The following ZCCHC7 variants were observed in gnomAD, a reference collection of about 807,000 sequenced individuals.
ZCCHC7 encodes the protein zinc finger CCHC-type containing 7, also known as zinc finger CCHC domain-containing protein 7.
Under a neutral mutation model 52.0 loss-of-function variants are expected in ZCCHC7, and 35 were observed. The observed-to-expected ratio is 0.67, with a 90% CI of 0.51 to 0.89. ZCCHC7 has a LOEUF of 0.89. Among genes scored for constraint, ZCCHC7 ranks in the 40% least tolerant of loss-of-function variants. The probability of loss-of-function intolerance (pLI) is 0.00; values close to 1 mark genes in which losing one functional copy is unlikely to be tolerated. For missense variants in ZCCHC7, 574 were observed against 649.1 expected (o/e 0.88, Z 1.26); for synonymous variants, 217 against 221.5 (o/e 0.98, Z 0.18).
chr9:37,339,989 C>G (rs1188338102), intron 6 of ZCCHC7, among the ~76,000 whole-genome samples: 1 of 152,090 alleles, frequency 6.6e-6, no homozygotes, highest in Non-Finnish European at 1.5e-5. Flanking sequence ...TGAGGCAGCT[C>G]TAGCATTTTG....
Position 37,273,403 on chromosome 9 carries a change from C to T in ZCCHC7, c.611-28785C>T, listed in dbSNP as rs556367215. ...CTGTAGTCCCAGCTACTCAGGAGGC[C>T]GAGGCAGGAGAATGGCGTGAACCTG... is the stretch of plus-strand genomic sequence containing the variant. On this transcript the variant is annotated intron_variant, in intron 2 of 8. Transcript: ENST00000336755. Among the ~76,000 whole-genome samples, 43 of 152,010 alleles carry T rather than the reference C, an allele frequency of 2.8e-4. No individual in the cohort carries two copies. In the East Asian group the frequency reaches 7.9e-3, roughly 28 times the overall value.
chr9:37,174,388 T>C (rs1361458395), intron 2 of ZCCHC7, among the ~76,000 whole-genome samples: 1 of 152,070 alleles, frequency 6.6e-6, no homozygotes, highest in Non-Finnish European at 1.5e-5. Flanking sequence ...ACCGTGTGAG[T>C]GCAAAGTATG....
chr9:37,262,492 C>A (rs1826914221), intron 2 of ZCCHC7, among the ~76,000 whole-genome samples: 3 of 152,124 alleles, frequency 2.0e-5, no homozygotes, highest in Non-Finnish European at 4.4e-5. Flanking sequence ...ATGGCAGTAT[C>A]TTCTTTATTA....
rs11552901 is a variant in ZCCHC7, at chr9:37,126,430, T to G, written c.98T>G (p.Phe33Cys). 1.8e-5 allele frequency: 29 copies of G among 1,613,978 alleles called. No homozygotes were observed. Among genetic ancestry groups the G allele is most frequent in the East Asian group, 2.2e-5 (1 of 44,872 alleles). The change falls in exon 2 of 9, where the codon TTT becomes TGT. Residue 33 changes from phenylalanine (F) to cysteine (C), a missense_variant. Phe to Cys is a radical substitution (Grantham distance 205). This residue lies in a region of ZCCHC7 where 403 missense variants were observed against 461.2 expected (regional missense o/e 0.87). Coordinates refer to ENST00000336755, the MANE Select transcript of ZCCHC7 (RefSeq NM_032226.3). ...CTGAGTGTTGATAGTGAGGTGGAAT[T>G]TCAACTCTATAGCCAAATTCATTAT... is the stretch of plus-strand genomic sequence containing the variant. ...SELSVDSEVE[F>C]QLYSQIHYAQ...
chr9:37,319,028 T>A (rs1373752187), intron 5 of ZCCHC7, among the ~76,000 whole-genome samples: 1 of 152,174 alleles, frequency 6.6e-6, no homozygotes, highest in Non-Finnish European at 1.5e-5. Context: ...CATTTTTTGC[T>A]TTTTATTTCT....
intron 4 of ZCCHC7, 55 bp downstream of exon 4, chr9:37,304,368 G>T (rs1164526677): frequency 6.3e-7 from 1 of 1,591,436 alleles, no homozygotes; most frequent in African/African-American, 1.3e-5. Flanking sequence ...AATCTCAAGG[G>T]TGAGGCTGGG....
At chr9:37,133,372 T>G (rs1486892453) in intron 2 of ZCCHC7, among the ~76,000 whole-genome samples, 2 of 147,222 alleles carry the variant, frequency 1.4e-5, no homozygotes, top group Non-Finnish European at 3.0e-5. Flanking sequence ...GTCTGGAATA[T>G]TTTCTTTTTT....
chr9:37,221,713 GAAAA>G (rs1824821246), intron 2 of ZCCHC7, among the ~76,000 whole-genome samples: 3 of 151,930 alleles, frequency 2.0e-5, no homozygotes, highest in Admixed American at 6.6e-5. Context: ...AAAAGTCAAA[GAAAA>G]AAATGATGGC....
intron 2 of ZCCHC7, among the ~76,000 whole-genome samples, chr9:37,132,346 G>A (rs966908317): frequency 6.6e-6 from 1 of 152,082 alleles, no homozygotes; most frequent in African/African-American, 2.4e-5. Context: ...GCTCTTTCTT[G>A]TACTTTTTTT....
At chr9:37,291,618 T>A (rs1044002070) in intron 2 of ZCCHC7, among the ~76,000 whole-genome samples, 1 of 152,196 alleles carries the variant, frequency 6.6e-6, no homozygotes, top group East Asian at 1.9e-4. Flanking sequence ...TTTCAATTGA[T>A]CATTCTGATT....
intron 2 of ZCCHC7, among the ~76,000 whole-genome samples, chr9:37,159,675 C>T (rs907960505): frequency 1.1e-4 from 17 of 152,164 alleles, no homozygotes; most frequent in Non-Finnish European, 2.1e-4. Flanking sequence ...CGTTCTGTTC[C>T]TATAACATTT....
intron 2 of ZCCHC7, among the ~76,000 whole-genome samples, chr9:37,172,012 G>T (rs1821757043): frequency 1.3e-5 from 2 of 152,094 alleles, no homozygotes; most frequent in Admixed American, 1.3e-4. Flanking sequence ...TTAAATAAGA[G>T]AATTTTTGTA....
intron 2 of ZCCHC7, among the ~76,000 whole-genome samples, chr9:37,229,485 G>T (rs1285789714): frequency 6.6e-6 from 1 of 152,132 alleles, no homozygotes; most frequent in Non-Finnish European, 1.5e-5. Context: ...GTATGAACTT[G>T]TACGGCATGT....
At chr9:37,190,845 C>A (rs936265023) in intron 2 of ZCCHC7, among the ~76,000 whole-genome samples, 19 of 152,054 alleles carry the variant, frequency 1.2e-4, no homozygotes, top group African/African-American at 4.3e-4. Flanking sequence ...ATGGAAAAAC[C>A]CTGTCTCTAC....
upstream of ZCCHC7, chr9:37,120,462 G>C: frequency 2.5e-6 from 1 of 398,160 alleles, no homozygotes; most frequent in Non-Finnish European, 4.4e-6. Context: ...CGGCAGGTGG[G>C]CGGGGACGGA....
At chr9:37,331,462 A>G (rs1056772817) in intron 6 of ZCCHC7, among the ~76,000 whole-genome samples, 5 of 151,618 alleles carry the variant, frequency 3.3e-5, no homozygotes, top group African/African-American at 1.2e-4. Flanking sequence ...AAAGCATTCT[A>G]TGCCATACTA....
intron 2 of ZCCHC7, among the ~76,000 whole-genome samples, chr9:37,264,595 CTT>C (rs1827015648): frequency 6.6e-6 from 1 of 152,146 alleles, no homozygotes; most frequent in African/African-American, 2.4e-5. Context: ...GGCTTCCTAA[CTT>C]AACTTCAGAT....
chr9:37,319,776 C>A (rs969868841), intron 5 of ZCCHC7, among the ~76,000 whole-genome samples: 9 of 152,108 alleles, frequency 5.9e-5, no homozygotes, highest in Admixed American at 4.6e-4. Context: ...ATATTTAGAT[C>A]TGTTATCTAT....
chr9:37,272,491 TAAAAAAAAAAAAAA>T (rs551495038), intron 2 of ZCCHC7, among the ~76,000 whole-genome samples: 2 of 97,828 alleles, frequency 2.0e-5, no homozygotes. Context: ...AGCTGTGTGG[TAAAAAAAAAAAAAA>T]AAAAAAAAAG....
Sources: allele counts gnomAD v4.1 joint callset (sites outside exome capture counted in the v4.1 genomes callset), GRCh38; gene constraint gnomAD v4.1.1; regional missense constraint gnomAD v4.1.1; transcripts MANE v1.5; gene names NCBI Gene and HGNC (gene_info 2026-07-23, HGNC 2026-07-21).